ROBO2: variants seen among roughly 807,000 people sequenced by gnomAD.
The protein encoded by ROBO2 is roundabout homolog 2.
A neutral mutation model predicts 160.8 loss-of-function variants in ROBO2; 53 were observed. The observed-to-expected ratio is 0.33, with a 90% CI of 0.26 to 0.41. The LOEUF (loss-of-function observed/expected upper bound fraction) is 0.41, where lower values mean the gene tolerates loss of function less well. ROBO2 is among the 10% of genes least tolerant of loss of function. ROBO2 has a pLI of 1.00. For missense variants in ROBO2, 1,577 were observed against 1,722.4 expected (o/e 0.92, Z 1.49); for synonymous variants, 664 against 611.7 (o/e 1.09, Z -1.26).
intron 2 of ROBO2, among the ~76,000 whole-genome samples, chr3:76,409,206 G>C (rs1330509347): frequency 6.6e-6 from 1 of 151,852 alleles, no homozygotes; most frequent in East Asian, 1.9e-4. Flanking sequence ...CCACTTGGAG[G>C]GTAAAATTGT....
chr3:77,512,382 G>T (rs1485017373), intron 5 of ROBO2, among the ~76,000 whole-genome samples: 2 of 151,916 alleles, frequency 1.3e-5, no homozygotes, highest in African/African-American at 4.8e-5. Context: ...AGAGGTAAAA[G>T]ATTTAAGTTT....
chr3:76,992,354 TA>T (rs1559812153), intron 2 of ROBO2, among the ~76,000 whole-genome samples: 930 of 71,036 alleles, frequency 0.013, 22 homozygotes, highest in African/African-American at 0.042. Flanking sequence ...TATATATATA[TA>T]TATATATATA....
At chr3:76,860,306 A>T (rs2070616142) in intron 2 of ROBO2, among the ~76,000 whole-genome samples, 1 of 152,302 alleles carries the variant, frequency 6.6e-6, no homozygotes, top group Admixed American at 6.5e-5. Flanking sequence ...TTCTAATTTC[A>T]AATTTTCACC....
rs143227124 is a variant in ROBO2 at position 76,792,133 on chromosome 3, T to C, written c.110-305881T>C. 3.6e-3 allele frequency among the ~76,000 whole-genome samples: 546 copies of C among 151,998 alleles called. 2 individuals are homozygous for C. Among genetic ancestry groups the C allele is most frequent in the African/African-American group, 0.012 (512 of 41,530 alleles). On this transcript the variant is annotated intron_variant, in intron 2 of 26. Transcript: ENST00000487694. ...AAGGAATAAGTTTTTCAACCAAAAA[T>C]ATTTTTTAAGTTGTAGGATATGAAT...
chr3:76,717,202 G>A (rs374248074), intron 2 of ROBO2, among the ~76,000 whole-genome samples: 1 of 152,102 alleles, frequency 6.6e-6, no homozygotes, highest in South Asian at 2.1e-4. Flanking sequence ...TTGAAGAAAA[G>A]CCCCACTATG....
At chr3:76,176,093 T>G (rs2073220652) in intron 2 of ROBO2, among the ~76,000 whole-genome samples, 1 of 152,126 alleles carries the variant, frequency 6.6e-6, no homozygotes, top group East Asian at 1.9e-4. Context: ...TTGGGACACA[T>G]GCTGCTTCTC....
chr3:76,012,710 G>GTA (rs2066230723), intron 2 of ROBO2, among the ~76,000 whole-genome samples: 1 of 152,030 alleles, frequency 6.6e-6, no homozygotes, highest in African/African-American at 2.4e-5. Context: ...ATTTTTAGAG[G>GTA]TATATAATTT....
At chr3:76,332,296 T>C (rs1389837320) in intron 2 of ROBO2, among the ~76,000 whole-genome samples, 1 of 152,186 alleles carries the variant, frequency 6.6e-6, no homozygotes, top group African/African-American at 2.4e-5. Context: ...TATGTTTTCT[T>C]CAAGTTGTGT....
intron 2 of ROBO2, among the ~76,000 whole-genome samples, chr3:76,006,304 A>T (rs928245755): frequency 1.3e-5 from 2 of 152,146 alleles, no homozygotes; most frequent in African/African-American, 4.8e-5. Flanking sequence ...GAAATAAGTA[A>T]TACTGGATAG....
chr3:76,681,907 G>A (rs2106943174), intron 2 of ROBO2, among the ~76,000 whole-genome samples: 1 of 152,258 alleles, frequency 6.6e-6, no homozygotes, highest in Non-Finnish European at 1.5e-5. Flanking sequence ...GAAAGACCCT[G>A]GATTTCATTT....
intron 2 of ROBO2, among the ~76,000 whole-genome samples, chr3:76,277,873 A>G (rs1242384680): frequency 6.6e-6 from 1 of 151,840 alleles, no homozygotes; most frequent in Non-Finnish European, 1.5e-5. Flanking sequence ...CAATAGGTAA[A>G]TAAATAATAA....
At chr3:76,140,518 C>T (rs1207685664) in intron 2 of ROBO2, among the ~76,000 whole-genome samples, 1 of 151,866 alleles carries the variant, frequency 6.6e-6, no homozygotes, top group Non-Finnish European at 1.5e-5. Flanking sequence ...ACACTAGTAA[C>T]TTCAGTGGTA....
intron 2 of ROBO2, among the ~76,000 whole-genome samples, chr3:76,940,737 C>T (rs182995353): frequency 1.6e-4 from 25 of 152,308 alleles, no homozygotes; most frequent in African/African-American, 5.8e-4. Context: ...ACTCTCCATT[C>T]CAACGGCTTT....
intron 2 of ROBO2, among the ~76,000 whole-genome samples, chr3:75,948,858 C>A (rs1948428293): frequency 6.6e-6 from 1 of 152,254 alleles, no homozygotes; most frequent in Middle Eastern, 3.4e-3. Flanking sequence ...TAATTATCTG[C>A]AAACACCTTC....
At chr3:76,423,434 G>A (rs2076078306) in intron 2 of ROBO2, among the ~76,000 whole-genome samples, 1 of 152,078 alleles carries the variant, frequency 6.6e-6, no homozygotes, top group African/African-American at 2.4e-5. Context: ...AAGACAACAC[G>A]GAAAGAGAAA....
At chr3:75,951,964 T>G (rs73841055) in intron 2 of ROBO2, among the ~76,000 whole-genome samples, 2,003 of 152,092 alleles carry the variant, frequency 0.013, 33 homozygotes, top group African/African-American at 0.045. Context: ...AATACTAATA[T>G]TAAGCTGAAG....
At chr3:77,512,367 T>C (rs1174324201) in intron 5 of ROBO2, among the ~76,000 whole-genome samples, 1 of 151,928 alleles carries the variant, frequency 6.6e-6, no homozygotes, top group African/African-American at 2.4e-5. Flanking sequence ...GCTCTCAAAA[T>C]TGAAAGAGGT....
At chr3:75,947,844 C>T (rs1463210224) in intron 2 of ROBO2, among the ~76,000 whole-genome samples, 1 of 152,032 alleles carries the variant, frequency 6.6e-6, no homozygotes, top group African/African-American at 2.4e-5. Flanking sequence ...GTAGTTTGGA[C>T]AAAGAAAGCC....
At chr3:77,071,755 T>A (rs1345130563) in intron 1 of ROBO2, among the ~76,000 whole-genome samples, 1 of 152,154 alleles carries the variant, frequency 6.6e-6, no homozygotes, top group Non-Finnish European at 1.5e-5. Context: ...ACCATCAGTT[T>A]CCTATGGCAA....
Sources: allele counts gnomAD v4.1 joint callset (sites outside exome capture counted in the v4.1 genomes callset), GRCh38; gene constraint gnomAD v4.1.1; transcripts MANE v1.5; gene names NCBI Gene and HGNC (gene_info 2026-07-23, HGNC 2026-07-21).